Variants in CEBPZ observed in about 807,000 individuals in gnomAD.
CEBPZ encodes the protein CCAAT/enhancer-binding protein zeta.
Under a neutral mutation model 104.5 loss-of-function variants are expected in CEBPZ, and 78 were observed. The ratio of observed to expected loss-of-function variants is 0.75; its 90% CI spans 0.62 to 0.90. The LOEUF is 0.90. Among genes scored for constraint, CEBPZ ranks in the 40% least tolerant of loss-of-function variants. The probability of loss-of-function intolerance (pLI) is 0.00; values close to 1 mark genes in which losing one functional copy is unlikely to be tolerated. For synonymous variants in CEBPZ, 470 were observed against 427.0 expected (o/e 1.10, Z -1.24); for missense variants, 1,439 against 1,233.5 (o/e 1.17, Z -2.50).
chr2:37,212,641 G>A lies in CEBPZ; in HGVS notation c.2546-249C>T, dbSNP rs374478049. The A allele has an allele frequency of 4.7e-4, 237 of 500,564 alleles. 2 individuals are homozygous for A. In the South Asian group the frequency reaches 6.9e-3, roughly 15 times the overall value. The allele number at this position is 500,564 out of a possible 1,614,324, so 31.0% of individuals were successfully genotyped here. ...TCGGCTCTTTCTACAGTTCTTTTAT[G>A]GAAAGAGGATAAATATCAAATAAAA... is the stretch of plus-strand genomic sequence containing the variant. On this transcript the variant is annotated intron_variant, in intron 10 of 15. Transcript: ENST00000234170.
chr2:37,220,547 A>G (rs376592194), intron 4 of CEBPZ, 74 bp from the exon 5 acceptor site: 9 of 690,424 alleles, frequency 1.3e-5, no homozygotes, highest in Middle Eastern at 2.8e-4. Flanking sequence ...AAGCACCACC[A>G]TTAATATTCT....
chr2:37,211,132 G>T, intron 12 of CEBPZ, 50 bp from the exon 13 acceptor site: 1 of 1,190,974 alleles, frequency 8.4e-7, no homozygotes, highest in Non-Finnish European at 1.2e-6. Flanking sequence ...CAATAAGACT[G>T]GAAAATATTA....
At chr2:37,220,249 G>A (rs930093722) in intron 5 of CEBPZ, 136 bp downstream of exon 5, 5 of 244,324 alleles carry the variant, frequency 2.0e-5, no homozygotes, top group Non-Finnish European at 4.0e-5. Flanking sequence ...CCCGGAAGGC[G>A]GACGTTACAG....
At chr2:37,202,148 G>C (rs190954465) in intron 15 of CEBPZ, 15 of 261,424 alleles carry the variant, frequency 5.7e-5, no homozygotes, top group African/African-American at 3.1e-4. Flanking sequence ...CTCTCCCCAA[G>C]CACTTTTACT....
At position 37,212,053 on chromosome 2, in the gene CEBPZ, C is replaced by A; in HGVS notation, c.2604-14G>T. The stretch of plus-strand genomic sequence containing the variant: ...TTTTTCACGTTTCTGGAAAAAAACA[C>A]AACTTGTAATACAAGAGGAGGCAGT... On this transcript the variant is annotated splice_polypyrimidine_tract_variant and intron_variant, in intron 11 of 15. Coordinates refer to ENST00000234170, the MANE Select transcript of CEBPZ (RefSeq NM_005760.3). 6.4e-7 allele frequency: 1 copy of A among 1,570,836 alleles called. No individual in the cohort carries two copies. The highest frequency in any genetic ancestry group is 8.6e-7 in the Non-Finnish European group (1 of 1,163,432).
rs769034325 is a variant in CEBPZ, at chr2:37,231,586, G to C, written c.-19C>G. The C allele has an allele frequency of 2.1e-5, 34 of 1,614,122 alleles. No homozygotes were observed. Among genetic ancestry groups the C allele is most frequent in the Admixed American group, 6.7e-5 (4 of 60,012 alleles). On this transcript the variant is annotated 5_prime_UTR_variant, in exon 1 of 16. Transcript: ENST00000234170. Reference sequence around the variant, plus strand: ...CGGCCATGGCGGGCAAAGCATACGCGCGTGAAACTCAGCCTATTTCCGCTC... The same window carrying C: ...CGGCCATGGCGGGCAAAGCATACGCCCGTGAAACTCAGCCTATTTCCGCTC...
chr2:37,202,571 G>T, intron 15 of CEBPZ: 1 of 375,860 alleles, frequency 2.7e-6, no homozygotes, highest in Non-Finnish European at 4.8e-6. Flanking sequence ...CTTGAACATG[G>T]GAGATGGAGG....
At chr2:37,221,582 A>C (rs1186225476) in intron 4 of CEBPZ, among the ~76,000 whole-genome samples, 2 of 152,212 alleles carry the variant, frequency 1.3e-5, no homozygotes, top group African/African-American at 4.8e-5. Flanking sequence ...TTTAAAACAA[A>C]GATTTTTCAG....
intron 13 of CEBPZ, 65 bp from the exon 14 acceptor site, chr2:37,203,073 C>T (rs911962829): frequency 9.2e-7 from 1 of 1,088,554 alleles, no homozygotes; most frequent in Non-Finnish European, 1.3e-6. Flanking sequence ...AAATGCAATG[C>T]AACATGATTT....
At chr2:37,205,073 TG>T (rs1460088508) in intron 13 of CEBPZ, among the ~76,000 whole-genome samples, 1 of 152,236 alleles carries the variant, frequency 6.6e-6, no homozygotes, top group African/African-American at 2.4e-5. Context: ...AGACAAAATC[TG>T]GAAGATAACG....
chr2:37,221,097 G>C (rs1414163960), intron 4 of CEBPZ, among the ~76,000 whole-genome samples: 1 of 152,044 alleles, frequency 6.6e-6, no homozygotes, highest in African/African-American at 2.4e-5. Flanking sequence ...AGGTGGAAAG[G>C]CTGCTTGAGA....
At position 37,211,144 on chromosome 2, in the gene CEBPZ, T is replaced by G; in HGVS notation, c.2801-62A>C. 3 of 1,087,022 alleles carry G rather than the reference T, an allele frequency of 2.8e-6. No homozygotes were observed. The South Asian group carries it at 4.0e-5, about 15-fold the overall frequency. 67.3% of individuals were successfully genotyped at this position (1,087,022 alleles called of 1,614,324 possible). The stretch of plus-strand genomic sequence containing the variant: ...AAACAATAAGACTGGAAAATATTAC[T>G]CCAAGATATGCTAAAATCTTTATTC... On this transcript the variant is annotated intron_variant, in intron 12 of 15. Coordinates refer to ENST00000234170, the MANE Select transcript of CEBPZ (RefSeq NM_005760.3).
In CEBPZ at chr2:37,214,924, T is replaced by C. The variant is rs1455890711; in HGVS notation, c.2409A>G (p.Glu803=). ...PVNSKEFLAK[E]ESQIPVDEVF... ...CTTCATCCACTGGTATTTGGCTTTC[T>C]TCTTTTGCAAGGAACTCCTTACTGT... Residue 803 remains glutamate, a synonymous_variant, in exon 9 of 16, where the codon GAA becomes GAG. Coordinates refer to ENST00000234170, the MANE Select transcript of CEBPZ (RefSeq NM_005760.3). The C allele has an allele frequency of 6.2e-7, 1 of 1,610,430 alleles. No homozygotes were observed. Among genetic ancestry groups the C allele is most frequent in the Non-Finnish European group, 8.5e-7 (1 of 1,177,000 alleles).
At chr2:37,212,176 G>A (rs950284176) in intron 11 of CEBPZ, 137 bp from the exon 12 acceptor site, 16 of 976,638 alleles carry the variant, frequency 1.6e-5, no homozygotes, top group South Asian at 8.1e-5. Flanking sequence ...AAATAATAAC[G>A]TGCTTTATAA....
chr2:37,217,681 T>C (rs191671657), intron 5 of CEBPZ, among the ~76,000 whole-genome samples: 1 of 150,958 alleles, frequency 6.6e-6, no homozygotes, highest in African/African-American at 2.4e-5. Context: ...GGTGGGCGGA[T>C]CACGAGGTCA....
rs983030045 is a variant in CEBPZ at position 37,212,182 on chromosome 2, T to C, written c.2604-143A>G. The C allele has an allele frequency of 1.2e-4, 117 of 983,532 alleles. No individual in the cohort carries two copies. In the Admixed American group the frequency reaches 2.9e-3, roughly 24 times the overall value. 60.9% of individuals were successfully genotyped at this position (983,532 alleles called of 1,614,324 possible). ...GCTCAGAGTAAATAATAACGTGCTT[T>C]ATAAATGTCAAAGATGAAAGTACTG... On this transcript the variant is annotated intron_variant, in intron 11 of 15. Coordinates refer to ENST00000234170, the MANE Select transcript of CEBPZ (RefSeq NM_005760.3).
chr2:37,212,516 T>C (rs2148349603), intron 10 of CEBPZ, 124 bp from the exon 11 acceptor site: 1 of 792,930 alleles, frequency 1.3e-6, no homozygotes, highest in East Asian at 2.4e-5. Flanking sequence ...ACCAAAACAA[T>C]GTAAATGTTA....
chr2:37,223,347 G>T lies in CEBPZ; in HGVS notation c.1704C>A (p.Asn568Lys), dbSNP rs144310612. 6 of 1,613,984 alleles carry T rather than the reference G, an allele frequency of 3.7e-6. No individual in the cohort carries two copies. In the South Asian group the frequency reaches 5.5e-5, roughly 15 times the overall value. The change falls in exon 3 of 16, where the codon AAC (asparagine) becomes AAA (lysine). Residue 568 changes from asparagine (N) to lysine (K), a missense_variant. By Grantham distance (94) the Asn-to-Lys change is moderately conservative. Transcript: ENST00000234170. ...CAGCTTTCAGAGATTTGTAGACAAG[G>T]TTAAGAAACATAGCTTGCTTGGAAC... is the stretch of plus-strand genomic sequence containing the variant. ...MTCSKQAMFLNLVYKSLKADI... is the reference protein window; with the variant it reads ...MTCSKQAMFLKLVYKSLKADI...
intron 8 of CEBPZ, 77 bp from the exon 9 acceptor site, chr2:37,215,029 C>G: frequency 1.1e-6 from 1 of 902,358 alleles, no homozygotes. Flanking sequence ...AGACAAAATA[C>G]AGCATAATCT....
Sources: allele counts gnomAD v4.1 joint callset (sites outside exome capture counted in the v4.1 genomes callset), GRCh38; gene constraint gnomAD v4.1.1; transcripts MANE v1.5; gene names NCBI Gene and HGNC (gene_info 2026-07-23, HGNC 2026-07-21).